Variants in ARPP21 observed in about 807,000 individuals in gnomAD.
ARPP21 encodes the protein cAMP-regulated phosphoprotein 21.
Under a neutral mutation model 113.2 loss-of-function variants are expected in ARPP21, and 69 were observed. The ratio of observed to expected loss-of-function variants is 0.61; its 90% CI spans 0.50 to 0.74. The LOEUF (loss-of-function observed/expected upper bound fraction) is 0.74. Among genes scored for constraint, ARPP21 ranks in the 30% least tolerant of loss-of-function variants. The pLI, the probability that ARPP21 is intolerant of heterozygous loss-of-function variation, is 0.00. For missense variants in ARPP21, 1,070 were observed against 1,037.4 expected (o/e 1.03, Z -0.43); for synonymous variants, 368 against 375.5 (o/e 0.98, Z 0.23).
rs1368298616 is a variant in ARPP21, at chr3:35,640,053, G to A, written c.-558G>A. 1 of 152,352 alleles carries A rather than the reference G, an allele frequency of 6.6e-6. No individual in the cohort carries two copies. The highest frequency in any genetic ancestry group is 2.4e-5 in the African/African-American group (1 of 41,442). The allele number at this position is 152,352 out of a possible 1,614,324, so 9.4% of individuals were successfully genotyped here. On this transcript the variant is annotated 5_prime_UTR_variant, in exon 1 of 21. Transcript: ENST00000684406. ...CGGCCAGCCGGCCAGAGAAGGCGGC[G>A]GTGGCACCTTCTGAGCGCGTCCGGA...
At chr3:35,750,130 T>G (rs1460794652) in intron 19 of ARPP21, among the ~76,000 whole-genome samples, 3 of 150,838 alleles carry the variant, frequency 2.0e-5, no homozygotes, top group South Asian at 2.1e-4. Flanking sequence ...TTTTTTTTTT[T>G]TGGTGGTTTC....
chr3:35,691,822 A>G (rs534821080), intron 9 of ARPP21, among the ~76,000 whole-genome samples: 4 of 151,674 alleles, frequency 2.6e-5, no homozygotes, highest in South Asian at 2.1e-4. Flanking sequence ...TAAAGCATCC[A>G]TTTTTATAAT....
In ARPP21 at chr3:35,655,774, A is replaced by G. The variant is rs139316959; in HGVS notation, c.-213+15376A>G. Among the ~76,000 whole-genome samples the G allele has an allele frequency of 1.0e-3, 157 of 152,208 alleles. 1 individual carries two copies. The highest frequency in any genetic ancestry group is 3.6e-3 in the African/African-American group (149 of 41,560). Reference sequence around the variant, plus strand: ...TGGTGGCCCTCCTTCTTTATCACATAGGAGAGTTATTTCTGAAGCAGTAGT... The same window carrying G: ...TGGTGGCCCTCCTTCTTTATCACATGGGAGAGTTATTTCTGAAGCAGTAGT... On this transcript the variant is annotated intron_variant, in intron 1 of 20. Transcript: ENST00000684406.
In ARPP21 at chr3:35,683,442, C is replaced by T. The variant is rs545031382; in HGVS notation, c.172-284C>T. Among the ~76,000 whole-genome samples, 3 of 151,856 alleles carry T rather than the reference C, an allele frequency of 2.0e-5. No individual in the cohort carries two copies. The South Asian group carries it at 6.2e-4, about 31-fold the overall frequency. ...TCCTCCTGATATTTTCATGAAATGACAGCAATTCATTCTTCCTATGTTCCC... is the reference window on the plus strand; with the variant it reads ...TCCTCCTGATATTTTCATGAAATGATAGCAATTCATTCTTCCTATGTTCCC... On this transcript the variant is annotated intron_variant, in intron 4 of 20. Coordinates refer to ENST00000684406, the MANE Select transcript of ARPP21 (RefSeq NM_001385562.1).
At position 35,667,847 on chromosome 3, in the gene ARPP21, G is replaced by GAA. The variant is rs200406776; in HGVS notation, c.-212-11939_-212-11938dup. On this transcript the variant is annotated intron_variant, in intron 1 of 20. Transcript: ENST00000684406. ...CTGCAGTACTTTTATTCTCAAAGAAGAAGAAGAAGAAGAAGAAGAAGAAGA... is the reference window on the plus strand; with the variant it reads ...CTGCAGTACTTTTATTCTCAAAGAAGAAAAGAAGAAGAAGAAGAAGAAGAAGA... 5.7e-3 allele frequency among the ~76,000 whole-genome samples: 539 copies of GAA among 95,016 alleles called. 5 individuals are homozygous for GAA. Among genetic ancestry groups the GAA allele is most frequent in the African/African-American group, 8.7e-3 (125 of 14,362 alleles). 62.3% of individuals were successfully genotyped at this position (95,016 alleles called of 152,430 possible).
chr3:35,784,091 T>G (rs1419172069), intron 19 of ARPP21, among the ~76,000 whole-genome samples: 2 of 152,212 alleles, frequency 1.3e-5, no homozygotes, highest in Non-Finnish European at 2.9e-5. Context: ...ACTGCAAGAT[T>G]CTGTTTATGG....
chr3:35,654,392 T>C (rs572171031), intron 1 of ARPP21, among the ~76,000 whole-genome samples: 2 of 152,216 alleles, frequency 1.3e-5, no homozygotes, highest in African/African-American at 4.8e-5. Flanking sequence ...GGAAAGGCAC[T>C]ACATTATTTA....
chr3:35,719,147 G>C (rs530811141), intron 13 of ARPP21, among the ~76,000 whole-genome samples: 2 of 152,126 alleles, frequency 1.3e-5, no homozygotes, highest in South Asian at 2.1e-4. Context: ...CTGTGCATGT[G>C]GTTTTCTACA....
At chr3:35,767,550 T>A (rs1168030031) in intron 19 of ARPP21, among the ~76,000 whole-genome samples, 1 of 152,164 alleles carries the variant, frequency 6.6e-6, no homozygotes, top group African/African-American at 2.4e-5. Flanking sequence ...AAGAAGTCTA[T>A]AAAAATGCCA....
At position 35,786,827 on chromosome 3, in the gene ARPP21, A is replaced by G. The variant is rs561311889; in HGVS notation, c.2138-5555A>G. Among the ~76,000 whole-genome samples the G allele has an allele frequency of 2.6e-5, 4 of 152,152 alleles. No individual in the cohort carries two copies. The East Asian group carries it at 7.8e-4, about 29-fold the overall frequency. On this transcript the variant is annotated intron_variant, in intron 19 of 20. Transcript: ENST00000684406. ...TGGAGGCTGTCTTCTGCTTTACGTG[A>G]GGGAGAAGTTGGAGGCAGGAACATC... is the stretch of plus-strand genomic sequence containing the variant.
At chr3:35,769,710 A>G (rs2151484501) in intron 19 of ARPP21, among the ~76,000 whole-genome samples, 1 of 152,218 alleles carries the variant, frequency 6.6e-6, no homozygotes, top group East Asian at 1.9e-4. Flanking sequence ...CACTATCTCT[A>G]TCTATCCTTC....
intron 19 of ARPP21, among the ~76,000 whole-genome samples, chr3:35,758,984 A>AT (rs1361115840): frequency 1.3e-5 from 2 of 152,006 alleles, no homozygotes; most frequent in East Asian, 1.9e-4. Context: ...AGTCTCTGAA[A>AT]TTTGCATGTA....
At chr3:35,688,021 T>C in intron 6 of ARPP21, 138 bp downstream of exon 6, 1 of 732,142 alleles carries the variant, frequency 1.4e-6, no homozygotes, top group Non-Finnish European at 2.1e-6. Context: ...TCTGTGTGTG[T>C]GTAAAAAATG....
chr3:35,758,178 G>GAC (rs1196442449), intron 19 of ARPP21, among the ~76,000 whole-genome samples: 1 of 151,996 alleles, frequency 6.6e-6, no homozygotes. Context: ...TTGAGCCCTA[G>GAC]ACACAAAGCA....
At chr3:35,765,275 C>G (rs1358066678) in intron 19 of ARPP21, among the ~76,000 whole-genome samples, 1 of 152,050 alleles carries the variant, frequency 6.6e-6, no homozygotes, top group Non-Finnish European at 1.5e-5. Context: ...TTGCCTTGCC[C>G]TCATCTTTTT....
At chr3:35,740,814 T>G (rs978173009) in intron 18 of ARPP21, among the ~76,000 whole-genome samples, 4 of 151,986 alleles carry the variant, frequency 2.6e-5, no homozygotes, top group Non-Finnish European at 5.9e-5. Flanking sequence ...AAATGAAAAA[T>G]TAGCCAGGCT....
At chr3:35,658,000 AG>A (rs1405007119) in intron 1 of ARPP21, among the ~76,000 whole-genome samples, 1 of 152,166 alleles carries the variant, frequency 6.6e-6, no homozygotes, top group African/African-American at 2.4e-5. Flanking sequence ...GGATATCTGA[AG>A]CAACATTACT....
intron 13 of ARPP21, among the ~76,000 whole-genome samples, chr3:35,718,190 T>C (rs754903647): frequency 7.2e-5 from 11 of 152,192 alleles, no homozygotes; most frequent in Non-Finnish European, 1.2e-4. Flanking sequence ...TTTTCTGCAA[T>C]AATTCTGGAC....
At chr3:35,741,627 G>T (rs1646203489) in intron 18 of ARPP21, among the ~76,000 whole-genome samples, 1 of 152,110 alleles carries the variant, frequency 6.6e-6, no homozygotes, top group South Asian at 2.1e-4. Context: ...AAGGGAAATG[G>T]GAGAAGTGCA....
Sources: allele counts gnomAD v4.1 joint callset (sites outside exome capture counted in the v4.1 genomes callset), GRCh38; gene constraint gnomAD v4.1.1; transcripts MANE v1.5; gene names NCBI Gene and HGNC (gene_info 2026-07-23, HGNC 2026-07-21).